ANHX: variants seen among roughly 807,000 people sequenced by gnomAD.
ANHX encodes the protein anomalous homeobox, also known as anomalous homeobox protein.
A neutral mutation model predicts 38.9 loss-of-function variants in ANHX; 20 were observed. The ratio of observed to expected loss-of-function variants is 0.51; its 90% CI spans 0.36 to 0.75. ANHX has a LOEUF of 0.75. Ranked by LOEUF, ANHX falls within the 30% of genes least tolerant of loss-of-function variation. ANHX has a pLI of 0.00. For missense variants in ANHX, 475 were observed against 493.1 expected, an observed-to-expected ratio of 0.96 and a Z score of 0.35; for synonymous variants, 185 against 203.1, an observed-to-expected ratio of 0.91 and a Z score of 0.76.
At chr12:133,228,447 C>T (rs1957221600) in intron 3 of ANHX, among the ~76,000 whole-genome samples, 1 of 152,114 alleles carries the variant, frequency 6.6e-6, no homozygotes, top group Admixed American at 6.5e-5. Flanking sequence ...AGGCATCAGC[C>T]CCATTCTTGC....
chr12:133,228,023 T>C, intron 3 of ANHX, 76 bp from the exon 4 acceptor site: 2 of 1,490,118 alleles, frequency 1.3e-6, no homozygotes, highest in Admixed American at 2.1e-5. Context: ...CCTGGCCCTC[T>C]GCAGAAGGTG....
chr12:133,218,867 C>A lies in ANHX; in HGVS notation c.*18G>T. 2 of 1,488,550 alleles carry A rather than the reference C, an allele frequency of 1.3e-6. No homozygotes were observed. Among genetic ancestry groups the A allele is most frequent in the Non-Finnish European group, 1.8e-6 (2 of 1,117,852 alleles). 92.2% of individuals were successfully genotyped at this position (1,488,550 alleles called of 1,614,324 possible). A position where few individuals can be genotyped will look rare whatever the true frequency, so the allele number is the denominator to read the frequency against. On this transcript the variant is annotated 3_prime_UTR_variant, in exon 10 of 10. Transcript: ENST00000545940. ...ACACCCGCTCCTCCTGGGGTGCTGTCTGGCTCCTGGGGATAGCTCAGCCCA... is the reference window on the plus strand; with the variant it reads ...ACACCCGCTCCTCCTGGGGTGCTGTATGGCTCCTGGGGATAGCTCAGCCCA...
chr12:133,225,638 T>C lies in ANHX; in HGVS notation c.1030A>G (p.Thr344Ala), dbSNP rs1957179599. ...CCATGGCTGTGGACCAGCTGCCCAG[T>C]CTGGAAGGAAACTTCCTTGGAGGAC... is the stretch of plus-strand genomic sequence containing the variant. The part of the protein sequence containing the change: ...LASSKEVSFQ[T>A]GQLVHSHGLD... The change falls in exon 7 of 10, where the codon ACT (threonine) becomes GCT (alanine). Residue 344 changes from threonine to alanine, a missense_variant. Thr to Ala is a moderately conservative substitution (Grantham distance 58). Coordinates refer to ENST00000545940, the MANE Select transcript of ANHX (RefSeq NM_001372060.1). Among the ~76,000 whole-genome samples, 1 of 152,208 alleles carries C rather than the reference T, an allele frequency of 6.6e-6. No homozygotes were observed. Among genetic ancestry groups the C allele is most frequent in the Non-Finnish European group, 1.5e-5 (1 of 68,028 alleles).
At chr12:133,228,641 C>T (rs1241306165) in intron 3 of ANHX, among the ~76,000 whole-genome samples, 1 of 152,212 alleles carries the variant, frequency 6.6e-6, no homozygotes, top group Admixed American at 6.5e-5. Flanking sequence ...AGCAAACCTG[C>T]CAGCCCTTCT....
rs954612394 is a variant in ANHX, at chr12:133,234,398, C to T, written c.-22-20G>A. ...GCCACTCTGCCAACACAAACAGTCACAAGAATGGCCACCACTGACCACGTC... is the reference window on the plus strand; with the variant it reads ...GCCACTCTGCCAACACAAACAGTCATAAGAATGGCCACCACTGACCACGTC... On this transcript the variant is annotated intron_variant, in intron 1 of 9. Transcript: ENST00000545940. The T allele has an allele frequency of 1.5e-5, 22 of 1,513,282 alleles. No homozygotes were observed. The Admixed American group carries it at 3.4e-4, about 23-fold the overall frequency. 93.7% of individuals were successfully genotyped at this position (1,513,282 alleles called of 1,614,324 possible).
Position 133,227,886 on chromosome 12 carries a change from C to G in ANHX, c.439G>C (p.Val147Leu), listed in dbSNP as rs1957210782. The G allele has an allele frequency of 6.5e-7, 1 of 1,534,070 alleles. No individual in the cohort carries two copies. The highest frequency in any genetic ancestry group is 8.7e-7 in the Non-Finnish European group (1 of 1,146,452). ...GCGAAATTGTGCAGCTTCTCACGAA[C>G]CTCTCTGGGGAAGTTCCGGCTCTTC... is the stretch of plus-strand genomic sequence containing the variant. Reference protein sequence around the residue: ...GLKSRNFPREVREKLHNFAVG... With the variant: ...GLKSRNFPRELREKLHNFAVG... Residue 147 changes from valine to leucine, a missense_variant, in exon 4 of 10, where the codon GTT (valine) becomes CTT (leucine). By Grantham distance (32) the Val-to-Leu change is conservative. Coordinates refer to ENST00000545940, the MANE Select transcript of ANHX (RefSeq NM_001372060.1).
chr12:133,226,801 C>T, intron 5 of ANHX, 135 bp downstream of exon 5: 1 of 906,874 alleles, frequency 1.1e-6, no homozygotes, highest in Non-Finnish European at 1.6e-6. Flanking sequence ...TGTGATCTTG[C>T]TCCCACAGAG....
chr12:133,234,512 C>T, intron 1 of ANHX, 134 bp from the exon 2 acceptor site: 2 of 980,068 alleles, frequency 2.0e-6, no homozygotes, highest in Non-Finnish European at 2.9e-6. Flanking sequence ...AGGAATAAGA[C>T]CTCACACATC....
In ANHX at chr12:133,227,291, C is replaced by T. The variant is rs760795167; in HGVS notation, c.502-139G>A. 118 of 940,858 alleles carry T rather than the reference C, an allele frequency of 1.3e-4. 1 individual carries two copies. Among genetic ancestry groups the T allele is most frequent in the Non-Finnish European group, 1.7e-4 (107 of 645,856 alleles). The allele number at this position is 940,858 out of a possible 1,614,324, so 58.3% of individuals were successfully genotyped here. On this transcript the variant is annotated intron_variant, in intron 4 of 9. Coordinates refer to ENST00000545940, the MANE Select transcript of ANHX (RefSeq NM_001372060.1). ...TAACCTCTCCAAGGACAGCAGAGAG[C>T]GGTGAGCATGAGCAGAACATGCAGG...
intron 3 of ANHX, among the ~76,000 whole-genome samples, chr12:133,230,001 C>T (rs1957246175): frequency 6.6e-6 from 1 of 152,226 alleles, no homozygotes; most frequent in South Asian, 2.1e-4. Flanking sequence ...AGACTCTCCT[C>T]CAAGACTAGG....
At chr12:133,227,772 AG>A (rs1263860196) in intron 4 of ANHX, 51 bp downstream of exon 4, 12 of 1,529,900 alleles carry the variant, frequency 7.8e-6, no homozygotes, top group Non-Finnish European at 8.7e-6. Context: ...CTTGGGGGAC[AG>A]GGAGGCACCA....
intron 1 of ANHX, chr12:133,234,873 G>C (rs924204717): frequency 6.4e-6 from 1 of 156,884 alleles, no homozygotes; most frequent in Non-Finnish European, 1.4e-5. Context: ...CCTCACCTAA[G>C]GACATTCAGG....
rs1168428878 is a variant in ANHX at position 133,223,586 on chromosome 12, C to A, written c.1132+1950G>T. On this transcript the variant is annotated intron_variant, in intron 7 of 9. Transcript: ENST00000545940. ...TCAGCCTCCCAACTAGGTGGGACAA[C>A]AGGCACCACCACCATGCCCAGCTGA... 2.0e-5 allele frequency among the ~76,000 whole-genome samples: 3 copies of A among 151,720 alleles called. No homozygotes were observed. The East Asian group carries it at 5.8e-4, about 29-fold the overall frequency.
At chr12:133,234,455 G>T in intron 1 of ANHX, 77 bp from the exon 2 acceptor site, 1 of 1,455,488 alleles carries the variant, frequency 6.9e-7, no homozygotes, top group South Asian at 1.4e-5. Context: ...AACCCACTCT[G>T]CAAAGCAGGT....
At chr12:133,233,640 G>A (rs982427502) in intron 2 of ANHX, among the ~76,000 whole-genome samples, 1 of 152,204 alleles carries the variant, frequency 6.6e-6, no homozygotes, top group Non-Finnish European at 1.5e-5. Context: ...AATAGCTTCA[G>A]ATCAGCACAG....
chr12:133,223,810 C>G (rs906332743), intron 7 of ANHX, among the ~76,000 whole-genome samples: 1 of 151,820 alleles, frequency 6.6e-6, no homozygotes, highest in Non-Finnish European at 1.5e-5. Flanking sequence ...CCCACAACCT[C>G]GGACCCTCAG....
intron 2 of ANHX, 99 bp downstream of exon 2, chr12:133,234,006 CCTA>C: frequency 7.0e-7 from 1 of 1,424,120 alleles, no homozygotes; most frequent in South Asian, 1.4e-5. Context: ...CCAGTGGGTT[CCTA>C]CTAACTCCTG....
In ANHX at chr12:133,226,961, C is replaced by T. The variant is rs1957197521; in HGVS notation, c.693G>A (p.Gly231=). 6.5e-7 allele frequency: 1 copy of T among 1,531,208 alleles called. No homozygotes were observed. The highest frequency in any genetic ancestry group is 1.4e-5 in the African/African-American group (1 of 73,122). The allele number at this position is 1,531,208 out of a possible 1,614,324, so 94.9% of individuals were successfully genotyped here. ...QPSGNPRVDS[G]FVDRPQWSEE... is the part of the protein sequence containing the mutation. ...CTGACCACTGAGGCCTGTCCACAAACCCAGAGTCAACACGGGGGTTGCCTG... is the reference window on the plus strand; with the variant it reads ...CTGACCACTGAGGCCTGTCCACAAATCCAGAGTCAACACGGGGGTTGCCTG... The change falls in exon 5 of 10, where the codon GGG becomes GGA. Residue 231 remains glycine (G), a synonymous_variant. Transcript: ENST00000545940.
rs1294962976 is a variant in ANHX at position 133,226,411 on chromosome 12, T to C, written c.746A>G (p.Gln249Arg). 6.5e-7 allele frequency: 1 copy of C among 1,535,766 alleles called. No homozygotes were observed. Among genetic ancestry groups the C allele is most frequent in the South Asian group, 1.2e-5 (1 of 84,032 alleles). ...SEEREEKGPP[Q>R]SPQTTQGPWE... ...TGGTCCTTGGGTGGTCTGTGGGGAC[T>C]GTGGAGGCCCCTTTTCCTCACGTTC... Residue 249 changes from glutamine (Q) to arginine (R), a missense_variant, in exon 6 of 10, where the codon CAG becomes CGG. By Grantham distance (43) the Gln-to-Arg change is conservative. Transcript: ENST00000545940.
Sources: allele counts gnomAD v4.1 joint callset (sites outside exome capture counted in the v4.1 genomes callset), GRCh38; gene constraint gnomAD v4.1.1; transcripts MANE v1.5; gene names NCBI Gene and HGNC (gene_info 2026-07-23, HGNC 2026-07-21).